ZFHX3: variants seen among roughly 807,000 people sequenced by gnomAD.
The protein encoded by ZFHX3 is zinc finger homeobox protein 3.
Under a neutral mutation model 279.1 loss-of-function variants are expected in ZFHX3, and 42 were observed. The observed-to-expected ratio is 0.15, with a 90% confidence interval of 0.12 to 0.19. The LOEUF (loss-of-function observed/expected upper bound fraction) is 0.19. Ranked by LOEUF, ZFHX3 falls within the 10% of genes least tolerant of loss-of-function variation. The pLI is 1.00. For missense variants in ZFHX3, 4,981 were observed against 4,754.0 expected (o/e 1.05, Z -1.40); for synonymous variants, 2,293 against 1,957.8 (o/e 1.17, Z -4.52).
chr16:73,888,784 G>A (rs1001199109), intron 1 of ZFHX3, among the ~76,000 whole-genome samples: 1 of 152,132 alleles, frequency 6.6e-6, no homozygotes. Flanking sequence ...AGTGTAAGCA[G>A]AAACAATTCA....
chr16:72,798,275 G>T lies in ZFHX3; in HGVS notation c.4407C>A (p.Ala1469=). Residue 1469 remains alanine (A), a synonymous_variant, in exon 9 of 10, where the codon GCC becomes GCA. Coordinates refer to ENST00000268489, the MANE Select transcript of ZFHX3 (RefSeq NM_006885.4). ...CTCCCATTGCCAGGAGGTCCCCATT[G>T]GCCAGCAGGCCACCATAAAGCTGTT... ...DIQQLYGGLL[A]NGDLLAMGDP... 1.2e-6 allele frequency: 2 copies of T among 1,614,160 alleles called. No homozygotes were observed. Among genetic ancestry groups the T allele is most frequent in the Non-Finnish European group, 1.7e-6 (2 of 1,180,038 alleles).
chr16:72,889,696 C>A (rs1426903450), intron 4 of ZFHX3, 35 bp downstream of exon 4: 2 of 1,602,130 alleles, frequency 1.2e-6, no homozygotes, highest in East Asian at 4.5e-5. Flanking sequence ...CACCCAGGCC[C>A]AACCTGGGCC....
intron 8 of ZFHX3, 90 bp from the exon 9 acceptor site, chr16:72,798,804 C>T (rs1384706976): frequency 6.8e-6 from 10 of 1,466,264 alleles, no homozygotes; most frequent in Non-Finnish European, 8.9e-6. Flanking sequence ...AGTCAGGCCT[C>T]ATGAACACAG....
chr16:73,472,183 G>C (rs2018679426), intron 2 of ZFHX3, among the ~76,000 whole-genome samples: 1 of 151,404 alleles, frequency 6.6e-6, no homozygotes, highest in Non-Finnish European at 1.5e-5. Flanking sequence ...AAACACCCAG[G>C]GAGAATTATC....
chr16:73,339,685 T>C (rs2143253423), intron 3 of ZFHX3, among the ~76,000 whole-genome samples: 1 of 152,204 alleles, frequency 6.6e-6, no homozygotes, highest in South Asian at 2.1e-4. Flanking sequence ...CCATGAAGAG[T>C]AGGAGGCCTA....
rs2035511032 is a variant in ZFHX3 at position 72,787,975 on chromosome 16, AG to A, written c.10300del (p.Leu3434SerfsTer51). 1 of 1,604,900 alleles carries A rather than the reference AG, an allele frequency of 6.2e-7. No homozygotes were observed. On this transcript the variant is annotated frameshift_variant, in exon 10 of 10. Coordinates refer to ENST00000268489, the MANE Select transcript of ZFHX3 (RefSeq NM_006885.4). LOFTEE classifies it high-confidence loss of function. ...TGGCTCTTCAGGGAGTTTCGGCAGG[AG>A]GGGGGACACCTCACGGGGGGTGTTT... The part of the protein sequence containing the change: ...QKNTPREVSP[L>X]LPKLPEEPEA...
At chr16:73,699,545 C>G (rs1293450885) in intron 1 of ZFHX3, among the ~76,000 whole-genome samples, 1 of 152,076 alleles carries the variant, frequency 6.6e-6, no homozygotes, top group Non-Finnish European at 1.5e-5. Context: ...AATATCTATC[C>G]AGGGAAAACA....
chr16:72,929,165 G>T (rs958280980), intron 3 of ZFHX3, among the ~76,000 whole-genome samples: 1 of 151,772 alleles, frequency 6.6e-6, no homozygotes, highest in Non-Finnish European at 1.5e-5. Flanking sequence ...TTGAACCTGG[G>T]AAGTGGAGGT....
At chr16:73,475,769 T>G (rs2018755510) in intron 2 of ZFHX3, among the ~76,000 whole-genome samples, 2 of 152,242 alleles carry the variant, frequency 1.3e-5, no homozygotes, top group African/African-American at 4.8e-5. Context: ...CAATTTTCTA[T>G]TTTTTCAGAT....
intron 5 of ZFHX3, among the ~76,000 whole-genome samples, chr16:73,184,316 T>A (rs1293104399): frequency 1.3e-5 from 2 of 152,202 alleles, no homozygotes; most frequent in Non-Finnish European, 1.5e-5. Context: ...CTGCAGACCT[T>A]TGCAGCCAAT....
At chr16:73,552,536 C>T (rs1474830156) in intron 2 of ZFHX3, among the ~76,000 whole-genome samples, 1 of 152,188 alleles carries the variant, frequency 6.6e-6, no homozygotes, top group Non-Finnish European at 1.5e-5. Flanking sequence ...TTAGAAACTG[C>T]ACTTCCACAT....
chr16:73,722,936 C>G (rs1231880782), intron 1 of ZFHX3, among the ~76,000 whole-genome samples: 1 of 152,200 alleles, frequency 6.6e-6, no homozygotes, highest in Non-Finnish European at 1.5e-5. Context: ...CTTTTCCTTA[C>G]ATTTCCAGTC....
intron 4 of ZFHX3, among the ~76,000 whole-genome samples, chr16:72,877,147 C>G (rs2038335015): frequency 6.6e-6 from 1 of 152,134 alleles, no homozygotes; most frequent in Admixed American, 6.5e-5. Flanking sequence ...CTTATGTGTT[C>G]TGAGGAAGTC....
At chr16:73,731,823 G>A (rs962843535) in intron 1 of ZFHX3, among the ~76,000 whole-genome samples, 5 of 152,130 alleles carry the variant, frequency 3.3e-5, no homozygotes, top group African/African-American at 1.2e-4. Context: ...AAGAGAAGAG[G>A]CTTTCTTCAT....
At chr16:73,704,352 C>A (rs1213425800) in intron 1 of ZFHX3, among the ~76,000 whole-genome samples, 8 of 152,110 alleles carry the variant, frequency 5.3e-5, no homozygotes. Flanking sequence ...AGGGAATGAA[C>A]AAGAAATTGC....
At chr16:72,942,086 T>C (rs1596990388) in intron 3 of ZFHX3, among the ~76,000 whole-genome samples, 4 of 152,228 alleles carry the variant, frequency 2.6e-5, no homozygotes, top group African/African-American at 9.6e-5. Flanking sequence ...CAATGCCTAA[T>C]TGTTCCCTTA....
rs149806481 is a variant in ZFHX3 at position 73,011,823 on chromosome 16, G to A, written c.-50+35929C>T. Among the ~76,000 whole-genome samples, 869 of 149,968 alleles carry A rather than the reference G, an allele frequency of 5.8e-3. 2 individuals are homozygous for A. The highest frequency in any genetic ancestry group is 0.01 in the Non-Finnish European group (687 of 67,698). ...GGATAATAAATGCAACCAAAATTAAGATGCCCCTCCTCAACTCAATTCGGT... is the reference window on the plus strand; with the variant it reads ...GGATAATAAATGCAACCAAAATTAAAATGCCCCTCCTCAACTCAATTCGGT... On this transcript the variant is annotated intron_variant, in intron 1 of 9. Coordinates refer to ENST00000268489, the MANE Select transcript of ZFHX3 (RefSeq NM_006885.4).
At chr16:73,640,726 TA>T (rs34823406) in intron 2 of ZFHX3, among the ~76,000 whole-genome samples, 147,440 of 152,160 alleles carry the variant, frequency 0.97, 71,462 homozygotes, top group East Asian at 1. Context: ...ATCTAATTAA[TA>T]AAAAATCTCC....
rs768772000 is a variant in ZFHX3, at chr16:72,889,879, C to G, written c.3300G>C (p.Lys1100Asn). ...CVLCNYSTKA[K>N]LNLIQHVRSM... ...AGCGCACATGCTGGATGAGGTTGAG[C>G]TTGGCCTTGGTGGAGTAGTTGCACA... The change falls in exon 4 of 10, where the codon AAG becomes AAC. Residue 1100 changes from lysine (K) to asparagine (N), a missense_variant. This residue lies in a region of ZFHX3 where 1,751 missense variants were observed against 1,770.0 expected (regional missense o/e 0.99). Transcript: ENST00000268489. 2.5e-6 allele frequency: 4 copies of G among 1,614,090 alleles called. No individual in the cohort carries two copies. The highest frequency in any genetic ancestry group is 1.1e-5 in the South Asian group (1 of 91,088).
Sources: gnomAD v4.1 joint callset for allele counts (sites outside exome capture counted in the v4.1 genomes callset) on GRCh38, gnomAD v4.1.1 for gene constraint, gnomAD v4.1.1 regional missense constraint, MANE v1.5 for transcripts, NCBI Gene and HGNC (gene_info 2026-07-23, HGNC 2026-07-21) for gene names.